NAV2: variants seen among roughly 807,000 people sequenced by gnomAD.
The protein encoded by NAV2 is neuron navigator 2.
In NAV2, 54 loss-of-function variants were observed where a neutral mutation model predicts 223.2. The observed-to-expected ratio is 0.24, with a 90% CI of 0.19 to 0.30. The LOEUF (loss-of-function observed/expected upper bound fraction) is 0.30. NAV2 is among the 10% of genes least tolerant of loss of function. The pLI, the probability that NAV2 is intolerant of heterozygous loss-of-function variation, is 1.00. For synonymous variants in NAV2, 1,279 were observed against 1,239.3 expected (o/e 1.03, Z -0.67); for missense variants, 2,806 against 3,147.5 (o/e 0.89, Z 2.60).
chr11:19,473,193 T>A lies in NAV2; in HGVS notation c.75+122166T>A, dbSNP rs1248462912. 3.9e-5 allele frequency among the ~76,000 whole-genome samples: 6 copies of A among 152,238 alleles called. No individual in the cohort carries two copies. The East Asian group carries it at 9.7e-4, about 25-fold the overall frequency. Reference sequence around the variant, plus strand: ...TGTGGCTTAGTCAGGTGTACTTGGGTCTTTTTCCTGCCAAGTTAAGCTTGC... The same window carrying A: ...TGTGGCTTAGTCAGGTGTACTTGGGACTTTTTCCTGCCAAGTTAAGCTTGC... On this transcript the variant is annotated intron_variant, in intron 1 of 37. Transcript: ENST00000360655.
At chr11:19,408,824 T>C (rs58618862) in intron 1 of NAV2, among the ~76,000 whole-genome samples, 5,377 of 150,346 alleles carry the variant, frequency 0.036, 164 homozygotes, top group East Asian at 0.12. Flanking sequence ...TCTGGCGGGG[T>C]GGGGGGATGT....
At chr11:19,948,354 G>A (rs1179318250) in intron 9 of NAV2, among the ~76,000 whole-genome samples, 1 of 152,186 alleles carries the variant, frequency 6.6e-6, no homozygotes, top group Non-Finnish European at 1.5e-5. Context: ...AAAGTGCTAG[G>A]ATTACAGGCA....
upstream of NAV2, chr11:19,710,822 C>T (rs913340007): frequency 1.3e-5 from 2 of 152,224 alleles, no homozygotes; most frequent in Admixed American, 6.5e-5. Flanking sequence ...AAGACAATCT[C>T]TCCTTCTTCT....
chr11:19,790,738 G>GC (rs1187300714), intron 1 of NAV2, among the ~76,000 whole-genome samples: 1 of 152,110 alleles, frequency 6.6e-6, no homozygotes, highest in African/African-American at 2.4e-5. Flanking sequence ...ATCTTTTACT[G>GC]CCCCCCAAGG....
chr11:20,096,208 C>T (rs1565058629), intron 30 of NAV2, among the ~76,000 whole-genome samples: 1 of 152,176 alleles, frequency 6.6e-6, no homozygotes, highest in South Asian at 2.1e-4. Flanking sequence ...ACTTCAGAGT[C>T]TTTGATTTGT....
chr11:19,356,214 G>C (rs1397064864), intron 1 of NAV2, among the ~76,000 whole-genome samples: 1 of 152,208 alleles, frequency 6.6e-6, no homozygotes, highest in African/African-American at 2.4e-5. Context: ...AAAGGAGAGA[G>C]ACTGTAGCCA....
intron 1 of NAV2, among the ~76,000 whole-genome samples, chr11:19,809,108 G>A (rs1312375307): frequency 6.6e-6 from 1 of 152,200 alleles, no homozygotes; most frequent in Non-Finnish European, 1.5e-5. Context: ...AAAACCTGGA[G>A]TTTTGAATGG....
intron 1 of NAV2, among the ~76,000 whole-genome samples, chr11:19,792,392 C>G (rs79123066): frequency 3.3e-5 from 5 of 152,194 alleles, no homozygotes; most frequent in Admixed American, 2.6e-4. Context: ...ATTGGCTCCT[C>G]GTACCAAGCC....
chr11:19,766,498 G>A (rs1339154824), intron 1 of NAV2, among the ~76,000 whole-genome samples: 1 of 152,212 alleles, frequency 6.6e-6, no homozygotes, highest in African/African-American at 2.4e-5. Context: ...TCTTAAGGAG[G>A]GAGTGAAGTA....
intron 7 of NAV2, among the ~76,000 whole-genome samples, chr11:19,934,572 C>G (rs1161144456): frequency 1.3e-5 from 2 of 152,124 alleles, no homozygotes; most frequent in African/African-American, 4.8e-5. Context: ...AGCAGCTTCC[C>G]TGAGCAGAAA....
rs143495051 is a variant in NAV2, at chr11:19,880,931, G to A, written c.770+804G>A. 6.6e-4 allele frequency among the ~76,000 whole-genome samples: 100 copies of A among 152,300 alleles called. 1 individual carries two copies. The East Asian group carries it at 0.011, about 16-fold the overall frequency. ...AAAAGTTCATACTGTTTTCTTTTAA[G>A]CCACAAGACTTCAGCTATAAACCCT... On this transcript the variant is annotated intron_variant, in intron 5 of 37. Transcript: ENST00000349880.
At chr11:19,555,992 A>G (rs1261495599) in intron 1 of NAV2, among the ~76,000 whole-genome samples, 1 of 151,842 alleles carries the variant, frequency 6.6e-6, no homozygotes, top group African/African-American at 2.4e-5. Flanking sequence ...CCTCCCATTT[A>G]TCTTTCTCCT....
At chr11:19,622,282 C>T (rs1358129632) in intron 1 of NAV2, among the ~76,000 whole-genome samples, 1 of 152,146 alleles carries the variant, frequency 6.6e-6, no homozygotes, top group Non-Finnish European at 1.5e-5. Flanking sequence ...CTGCTTGGTG[C>T]AGAGCTGAGT....
rs1247230291 is a variant in NAV2, at chr11:19,395,404, T to C, written c.75+44377T>C. ...TTGGGATGTAGAGAGGACTCTTGTT[T>C]CTGACAAAACTGCCCCAGTCAGAGC... On this transcript the variant is annotated intron_variant, in intron 1 of 37. Coordinates refer to the NAV2 transcript ENST00000360655. Among the ~76,000 whole-genome samples the C allele has an allele frequency of 2.0e-5, 3 of 152,236 alleles. No homozygotes were observed. The South Asian group carries it at 6.2e-4, about 31-fold the overall frequency.
chr11:19,550,721 G>T (rs111530810), intron 1 of NAV2, among the ~76,000 whole-genome samples: 1,887 of 152,318 alleles, frequency 0.012, 35 homozygotes, highest in African/African-American at 0.043. Context: ...GTAGGAGGCA[G>T]GACTCAACTC....
At chr11:19,393,635 G>A (rs894315881) in intron 1 of NAV2, among the ~76,000 whole-genome samples, 1 of 152,210 alleles carries the variant, frequency 6.6e-6, no homozygotes, top group Non-Finnish European at 1.5e-5. Context: ...CGTATCAGCT[G>A]TCAAATTAAA....
intron 1 of NAV2, among the ~76,000 whole-genome samples, chr11:19,519,305 G>C (rs1284402974): frequency 6.6e-6 from 1 of 152,090 alleles, no homozygotes; most frequent in Non-Finnish European, 1.5e-5. Context: ...CAGGTGCACA[G>C]TTCTGCCTTC....
intron 1 of NAV2, among the ~76,000 whole-genome samples, chr11:19,765,160 T>C (rs1188803689): frequency 6.6e-6 from 1 of 152,250 alleles, no homozygotes; most frequent in African/African-American, 2.4e-5. Context: ...CCAGTGACTT[T>C]TATTTCCAGT....
intron 1 of NAV2, among the ~76,000 whole-genome samples, chr11:19,413,968 C>T (rs560141580): frequency 2.1e-3 from 322 of 152,268 alleles, no homozygotes; most frequent in African/African-American, 7.5e-3. Context: ...CAAAAACATA[C>T]CAAATTGTAA....
Sources: allele counts gnomAD v4.1 joint callset (sites outside exome capture counted in the v4.1 genomes callset), GRCh38; gene constraint gnomAD v4.1.1; transcripts MANE v1.5; gene names NCBI Gene and HGNC (gene_info 2026-07-23, HGNC 2026-07-21).